The following SLC16A9 variants were observed in gnomAD, a reference collection of about 807,000 sequenced individuals.
The protein encoded by SLC16A9 is monocarboxylate transporter 9.
SLC16A9 carries 26 observed loss-of-function variants against 44.3 expected under a neutral mutation model. The observed-to-expected ratio is 0.59, with a 90% CI of 0.43 to 0.81. The LOEUF (loss-of-function observed/expected upper bound fraction) is 0.81, where lower values mean the gene tolerates loss of function less well. Ranked by LOEUF, SLC16A9 falls within the 40% of genes least tolerant of loss-of-function variation. The pLI, the probability that SLC16A9 is intolerant of heterozygous loss-of-function variation, is 0.00. For missense variants in SLC16A9, 559 were observed against 595.8 expected, an observed-to-expected ratio of 0.94 and a Z score of 0.64; for synonymous variants, 230 against 225.1, an observed-to-expected ratio of 1.02 and a Z score of -0.19.
intron 4 of SLC16A9, among the ~76,000 whole-genome samples, chr10:59,655,095 TC>T (rs1339079353): frequency 1.3e-5 from 2 of 151,936 alleles, no homozygotes; most frequent in Non-Finnish European, 2.9e-5. Flanking sequence ...TTCGAGACCA[TC>T]CTGGCCAACA....
Position 59,696,256 on chromosome 10 carries a change from C to G in SLC16A9, c.-36-11929G>C, listed in dbSNP as rs541209492. Among the ~76,000 whole-genome samples, 276 of 152,330 alleles carry G rather than the reference C, an allele frequency of 1.8e-3. 1 individual carries two copies. Among genetic ancestry groups the G allele is most frequent in the Middle Eastern group, 0.017 (5 of 294 alleles). Reference sequence around the variant, plus strand: ...GTGCCTGCGATTGTAGGCGCGGGCCCCCACGCCTGACTGGTTTTCGTATTT... The same window carrying G: ...GTGCCTGCGATTGTAGGCGCGGGCCGCCACGCCTGACTGGTTTTCGTATTT... On this transcript the variant is annotated intron_variant, in intron 1 of 5. Transcript: ENST00000395348.
intron 2 of SLC16A9, among the ~76,000 whole-genome samples, chr10:59,678,584 C>T (rs1334098020): frequency 2.7e-5 from 2 of 75,330 alleles, no homozygotes; most frequent in Non-Finnish European, 5.5e-5. Flanking sequence ...TCGCCCAGGC[C>T]GGACTGCGGA....
At chr10:59,666,971 T>C (rs1367408590) in intron 3 of SLC16A9, among the ~76,000 whole-genome samples, 1 of 152,214 alleles carries the variant, frequency 6.6e-6, no homozygotes, top group Non-Finnish European at 1.5e-5. Flanking sequence ...ATGAGCTTTT[T>C]GGTAATATTA....
Position 59,653,663 on chromosome 10 carries a change from TA to T in SLC16A9, c.1351+11del, listed in dbSNP as rs1385212248. The T allele has an allele frequency of 6.2e-7, 1 of 1,601,088 alleles. No individual in the cohort carries two copies. On this transcript the variant is annotated intron_variant, in intron 5 of 5. Coordinates refer to ENST00000395348, the MANE Select transcript of SLC16A9 (RefSeq NM_194298.3). The stretch of plus-strand genomic sequence containing the variant: ...ACAGTAAAATGGGATGATTTTAAGA[TA>T]AATATCTTACCAACGATGGGTGGTC...
At chr10:59,659,245 G>A (rs183563358) in intron 4 of SLC16A9, among the ~76,000 whole-genome samples, 2 of 152,224 alleles carry the variant, frequency 1.3e-5, no homozygotes, top group Non-Finnish European at 2.9e-5. Context: ...TATGCACGTA[G>A]GTCAGTGAGA....
chr10:59,677,038 A>C (rs1839874815), intron 2 of SLC16A9, among the ~76,000 whole-genome samples: 2 of 146,580 alleles, frequency 1.4e-5, no homozygotes, highest in African/African-American at 5.2e-5. Flanking sequence ...ATAAAATGCA[A>C]GACAGTAAGA....
At chr10:59,699,490 A>C (rs1840474293) in intron 1 of SLC16A9, among the ~76,000 whole-genome samples, 1 of 152,220 alleles carries the variant, frequency 6.6e-6, no homozygotes, top group Admixed American at 6.5e-5. Flanking sequence ...CCGAGTGTAC[A>C]TCGCAGCTCT....
At chr10:59,664,917 T>C (rs994779752) in intron 3 of SLC16A9, among the ~76,000 whole-genome samples, 1 of 152,194 alleles carries the variant, frequency 6.6e-6, no homozygotes, top group Non-Finnish European at 1.5e-5. Context: ...TGTAGTAATG[T>C]CTTTACTTTA....
At chr10:59,705,723 C>T (rs1479266807) in intron 1 of SLC16A9, among the ~76,000 whole-genome samples, 4 of 152,014 alleles carry the variant, frequency 2.6e-5, no homozygotes, top group African/African-American at 9.7e-5. Flanking sequence ...TATTCTTTTA[C>T]TGATTGAAAG....
In SLC16A9 at chr10:59,654,136, G is replaced by A. The variant is rs1287317044; in HGVS notation, c.890C>T (p.Thr297Ile). The A allele has an allele frequency of 1.9e-6, 3 of 1,614,134 alleles. No individual in the cohort carries two copies. In the South Asian group the frequency reaches 3.3e-5, roughly 18 times the overall value. ...TACTTTGTTTTTAAAAAGAGCCACAGTTTCACCACAGTAGTTTTTATATAA... is the reference window on the plus strand; with the variant it reads ...TACTTTGTTTTTAAAAAGAGCCACAATTTCACCACAGTAGTTTTTATATAA... ...WQLYKNYCGE[T>I]VALFKNKVFS... Residue 297 changes from threonine to isoleucine, a missense_variant, in exon 5 of 6, where the codon ACT (threonine) becomes ATT (isoleucine). Thr to Ile is a moderately conservative substitution (Grantham distance 89, BLOSUM62 -1). Coordinates refer to ENST00000395348, the MANE Select transcript of SLC16A9 (RefSeq NM_194298.3).
rs368912570 is a variant in SLC16A9 at position 59,676,743 on chromosome 10, C to T, written c.197-3830G>A. On this transcript the variant is annotated intron_variant, in intron 2 of 5. Transcript: ENST00000395348. ...TTCAAGACCAGGTTGGCCAACATGG[C>T]GAAACCCTGCCTCTACTAAAAATAC... Among the ~76,000 whole-genome samples the T allele has an allele frequency of 4.0e-5, 6 of 151,798 alleles. No homozygotes were observed. The South Asian group carries it at 1.0e-3, about 26-fold the overall frequency.
rs913721691 is a variant in SLC16A9, at chr10:59,650,781, T to C, written c.*1991A>G. 2 of 152,056 alleles carry C rather than the reference T, an allele frequency of 1.3e-5. No homozygotes were observed. The highest frequency in any genetic ancestry group is 4.8e-5 in the African/African-American group (2 of 41,380). 9.4% of individuals were successfully genotyped at this position (152,056 alleles called of 1,614,324 possible). ...CAAACTGATGCAAAACAAAGAAAAA[T>C]ATTTTATTGTAACTTAAAATTCATC... On this transcript the variant is annotated 3_prime_UTR_variant, in exon 6 of 6. Transcript: ENST00000395348.
intron 3 of SLC16A9, among the ~76,000 whole-genome samples, chr10:59,667,887 C>T (rs1387578904): frequency 6.6e-6 from 1 of 152,180 alleles, no homozygotes; most frequent in Admixed American, 6.5e-5. Flanking sequence ...AATATATTTA[C>T]ATGTTGTAAC....
intron 2 of SLC16A9, among the ~76,000 whole-genome samples, chr10:59,673,482 G>A (rs914749761): frequency 6.6e-6 from 1 of 152,250 alleles, no homozygotes; most frequent in African/African-American, 2.4e-5. Context: ...GGACGTTAAG[G>A]GTTATTTAGC....
intron 1 of SLC16A9, among the ~76,000 whole-genome samples, chr10:59,704,806 CG>C (rs1205620986): frequency 1.3e-5 from 2 of 152,206 alleles, no homozygotes; most frequent in African/African-American, 4.8e-5. Context: ...ATAACACTGA[CG>C]TGTTCTTTCA....
At chr10:59,667,136 T>C (rs1006316932) in intron 3 of SLC16A9, among the ~76,000 whole-genome samples, 1 of 152,190 alleles carries the variant, frequency 6.6e-6, no homozygotes, top group African/African-American at 2.4e-5. Flanking sequence ...AATAAACACA[T>C]GGATTTACTA....
intron 3 of SLC16A9, among the ~76,000 whole-genome samples, chr10:59,666,889 A>AC (rs1491487863): frequency 2.8e-5 from 4 of 143,814 alleles, no homozygotes; most frequent in South Asian, 2.2e-4. Context: ...AAAAAAAAAA[A>AC]CACACAGAAT....
chr10:59,652,683 C>T lies in SLC16A9; in HGVS notation c.*89G>A. 8.0e-7 allele frequency: 1 copy of T among 1,250,638 alleles called. No homozygotes were observed. The highest frequency in any genetic ancestry group is 1.7e-5 in the South Asian group (1 of 59,044). 77.5% of individuals were successfully genotyped at this position (1,250,638 alleles called of 1,614,324 possible). A position where few individuals can be genotyped will look rare whatever the true frequency, so the allele number is the denominator to read the frequency against. ...TGAAATTTTGCTATGAGAAAATAGT[C>T]TTGACTCTAGAAAATTTGCTTGAGA... On this transcript the variant is annotated 3_prime_UTR_variant, in exon 6 of 6. Coordinates refer to ENST00000395348, the MANE Select transcript of SLC16A9 (RefSeq NM_194298.3).
chr10:59,665,329 A>G (rs1186929282), intron 3 of SLC16A9, among the ~76,000 whole-genome samples: 1 of 152,220 alleles, frequency 6.6e-6, no homozygotes, highest in Admixed American at 6.5e-5. Context: ...TATGTGAATT[A>G]TTAAGGCCAT....
Sources: allele counts gnomAD v4.1 joint callset (sites outside exome capture counted in the v4.1 genomes callset), GRCh38; gene constraint gnomAD v4.1.1; transcripts MANE v1.5; gene names NCBI Gene and HGNC (gene_info 2026-07-23, HGNC 2026-07-21).